Variants in XNDC1N observed in about 807,000 individuals in gnomAD.
The protein encoded by XNDC1N is XRCC1 N-terminal domain containing 1, N-terminal like.
At chr11:71,899,154 C>T in the XNDC1N span, among the ~76,000 whole-genome samples, 14 of 152,252 alleles carry the variant, frequency 9.2e-5, no homozygotes, top group Middle Eastern at 3.4e-3. Flanking sequence ...CCTTGAGCCC[C>T]CCAGGCCACA....
chr11:71,868,640 A>G, the XNDC1N span, among the ~76,000 whole-genome samples: 2 of 152,232 alleles, frequency 1.3e-5, no homozygotes, highest in South Asian at 4.1e-4. Flanking sequence ...GTTGCAGCTT[A>G]ACAGTCCACT....
chr11:71,885,726 C>T, the XNDC1N span, among the ~76,000 whole-genome samples: 11 of 151,142 alleles, frequency 7.3e-5, no homozygotes, highest in East Asian at 3.9e-4. Flanking sequence ...TATGAATGAC[C>T]GATATTAATA....
chr11:71,893,248 C>G, the XNDC1N span, among the ~76,000 whole-genome samples: 2 of 152,256 alleles, frequency 1.3e-5, no homozygotes, highest in South Asian at 4.1e-4. Context: ...TGGATTTTCT[C>G]TAAAGTAGTA....
chr11:71,897,191 C>T, the XNDC1N span, among the ~76,000 whole-genome samples: 12 of 152,180 alleles, frequency 7.9e-5, no homozygotes, highest in South Asian at 1.9e-3. Context: ...GGATATGACA[C>T]CAAAAGCATA....
chr11:71,914,457 C>A, the XNDC1N span: 3 of 444,518 alleles, frequency 6.7e-6, no homozygotes, highest in Admixed American at 2.4e-5. Flanking sequence ...ATGGCTGAGG[C>A]GGGTGGATCA....
the XNDC1N span, chr11:71,903,346 C>A: frequency 6.9e-7 from 1 of 1,450,316 alleles, no homozygotes; most frequent in Non-Finnish European, 9.7e-7. Context: ...TCAGCCCTGA[C>A]TCCCACCTCC....
the XNDC1N span, among the ~76,000 whole-genome samples, chr11:71,904,937 C>G: frequency 6.6e-6 from 1 of 151,904 alleles, no homozygotes; most frequent in Non-Finnish European, 1.5e-5. Flanking sequence ...AATAATATCA[C>G]AGGGAGTACA....
the XNDC1N span, among the ~76,000 whole-genome samples, chr11:71,897,536 G>C: frequency 0.59 from 89,065 of 152,062 alleles, 26,606 homozygotes; most frequent in African/African-American, 0.69. Flanking sequence ...TGATACCACA[G>C]ATTAGGATGG....
the XNDC1N span, chr11:71,919,026 C>T: frequency 1.4e-6 from 1 of 702,666 alleles, no homozygotes; most frequent in South Asian, 1.5e-5. Flanking sequence ...TACTTGGGAT[C>T]CTAAGTAAGA....
At chr11:71,892,682 A>ATT in the XNDC1N span, among the ~76,000 whole-genome samples, 3,867 of 147,608 alleles carry the variant, frequency 0.026, 55 homozygotes, top group East Asian at 0.077. Flanking sequence ...TGCCCGGCTA[A>ATT]TTTTTTTTTT....
At chr11:71,895,107 T>G in the XNDC1N span, among the ~76,000 whole-genome samples, 1 of 81,092 alleles carries the variant, frequency 1.2e-5, no homozygotes. Context: ...CCTGTGTGAG[T>G]GTGTGGATTT....
At chr11:71,922,873 A>G in the XNDC1N span, among the ~76,000 whole-genome samples, 1 of 152,206 alleles carries the variant, frequency 6.6e-6, no homozygotes, top group Non-Finnish European at 1.5e-5. Flanking sequence ...CTCAGGGCCT[A>G]GGATCTAGCT....
At chr11:71,903,347 T>A in the XNDC1N span, 2 of 1,451,154 alleles carry the variant, frequency 1.4e-6, no homozygotes, top group Non-Finnish European at 1.9e-6. Context: ...CAGCCCTGAC[T>A]CCCACCTCCA....
chr11:71,872,819 T>G, the XNDC1N span, among the ~76,000 whole-genome samples: 28,635 of 152,166 alleles, frequency 0.19, 4,930 homozygotes, highest in African/African-American at 0.45. Flanking sequence ...TGTAAAAGGA[T>G]ACAACATTGA....
chr11:71,924,685 GA>G, the XNDC1N span, among the ~76,000 whole-genome samples: 21 of 149,886 alleles, frequency 1.4e-4, no homozygotes, highest in African/African-American at 4.6e-4. Context: ...CTCCGTCTCA[GA>G]AAAAAAACAA....
chr11:71,879,122 C>A, the XNDC1N span, among the ~76,000 whole-genome samples: 5 of 152,132 alleles, frequency 3.3e-5, no homozygotes, highest in Non-Finnish European at 7.3e-5. Flanking sequence ...CGAATGAAGA[C>A]TAGAAGAAGG....
the XNDC1N span, among the ~76,000 whole-genome samples, chr11:71,882,833 T>C: frequency 6.6e-6 from 1 of 152,092 alleles, no homozygotes; most frequent in African/African-American, 2.4e-5. Context: ...AATGACATAA[T>C]TTTTTTGTAA....
the XNDC1N span, among the ~76,000 whole-genome samples, chr11:71,868,273 C>A: frequency 1.3e-5 from 2 of 152,124 alleles, no homozygotes. Flanking sequence ...GGCATTTAGT[C>A]CATTTATGTT....
chr11:71,908,176 T>A, the XNDC1N span, among the ~76,000 whole-genome samples: 3 of 152,004 alleles, frequency 2.0e-5, no homozygotes, highest in Non-Finnish European at 1.5e-5. Context: ...TTAACATGAA[T>A]ATGAATGACC....
Sources: allele counts gnomAD v4.1 joint callset (sites outside exome capture counted in the v4.1 genomes callset), GRCh38; gene constraint gnomAD v4.1.1; transcripts MANE v1.5; gene names NCBI Gene and HGNC (gene_info 2026-07-23, HGNC 2026-07-21).